Variants in SASH1 observed in about 807,000 individuals in gnomAD.
The protein encoded by SASH1 is SAM and SH3 domain-containing protein 1.
Under a neutral mutation model 125.2 loss-of-function variants are expected in SASH1, and 44 were observed. That is an observed-to-expected ratio of 0.35 (90% confidence interval 0.28 to 0.45). The LOEUF (loss-of-function observed/expected upper bound fraction) is 0.45. Ranked by LOEUF, SASH1 falls within the 20% of genes least tolerant of loss-of-function variation. The probability of loss-of-function intolerance (pLI) is 1.00; values close to 1 mark genes in which losing one functional copy is unlikely to be tolerated. For synonymous variants in SASH1, 639 were observed against 649.1 expected, an observed-to-expected ratio of 0.98 and a Z score of 0.24; for missense variants, 1,426 against 1,614.5, an observed-to-expected ratio of 0.88 and a Z score of 2.00.
At chr6:148,312,094 C>T (rs1225749819) in intron 1 of SASH1, among the ~76,000 whole-genome samples, 6 of 152,096 alleles carry the variant, frequency 3.9e-5, no homozygotes, top group African/African-American at 1.4e-4. Flanking sequence ...AAAAGTCCAA[C>T]AGTAAGGATA....
chr6:148,378,092 C>T (rs1227332750), intron 1 of SASH1, among the ~76,000 whole-genome samples: 1 of 151,014 alleles, frequency 6.6e-6, no homozygotes, highest in Non-Finnish European at 1.5e-5. Flanking sequence ...GCTCTTGTCA[C>T]CCAGGCTGGA....
intron 4 of SASH1, among the ~76,000 whole-genome samples, chr6:148,456,127 T>C (rs914092975): frequency 6.6e-5 from 10 of 152,168 alleles, no homozygotes; most frequent in Non-Finnish European, 1.5e-4. Context: ...GCCATTGCCA[T>C]GGAAACGCAA....
the SASH1 span, among the ~76,000 whole-genome samples, chr6:148,259,331 C>T: frequency 4.0e-4 from 61 of 152,314 alleles, no homozygotes; most frequent in African/African-American, 1.4e-3. Flanking sequence ...ATGGTGTAAA[C>T]AATTCCCAAA....
chr6:148,250,934 T>C, the SASH1 span, among the ~76,000 whole-genome samples: 9 of 152,314 alleles, frequency 5.9e-5, no homozygotes, highest in Non-Finnish European at 1.5e-5. Flanking sequence ...TGAAGGACAT[T>C]TGTGCCTTGT....
intron 1 of SASH1, among the ~76,000 whole-genome samples, chr6:148,367,899 G>A (rs1436560612): frequency 2.0e-5 from 3 of 152,216 alleles, no homozygotes; most frequent in Admixed American, 6.5e-5. Flanking sequence ...GGGGCCTGTG[G>A]GTGGAGTCGT....
the SASH1 span, among the ~76,000 whole-genome samples, chr6:148,258,198 A>G: frequency 6.6e-6 from 1 of 151,986 alleles, no homozygotes; most frequent in Non-Finnish European, 1.5e-5. Context: ...TAGGCATACC[A>G]CCATACTCAG....
chr6:148,503,020 C>A (rs1217433208), intron 8 of SASH1, among the ~76,000 whole-genome samples: 2 of 152,202 alleles, frequency 1.3e-5, no homozygotes, highest in African/African-American at 4.8e-5. Flanking sequence ...AGATGATAAC[C>A]TTTATAAACC....
At chr6:148,537,793 TGTGTGTGTGTG>T (rs1781944918) in intron 16 of SASH1, among the ~76,000 whole-genome samples, 1 of 103,360 alleles carries the variant, frequency 9.7e-6, no homozygotes, top group African/African-American at 4.5e-5. Flanking sequence ...TGTGTGTGTG[TGTGTGTGTGTG>T]TGTGTGTGTG....
intron 4 of SASH1, 78 bp downstream of exon 4, chr6:148,440,485 G>A: frequency 8.6e-7 from 1 of 1,164,832 alleles, no homozygotes; most frequent in Non-Finnish European, 1.3e-6. Flanking sequence ...AATCAAACAG[G>A]CGATCATGTG....
the SASH1 span, among the ~76,000 whole-genome samples, chr6:148,255,150 C>A: frequency 1.2e-3 from 178 of 152,262 alleles, no homozygotes; most frequent in Middle Eastern, 0.01. Flanking sequence ...TGTGCTAGGG[C>A]CGCCATAACA....
chr6:148,510,453 G>T (rs901575986), intron 8 of SASH1, among the ~76,000 whole-genome samples: 1 of 152,140 alleles, frequency 6.6e-6, no homozygotes, highest in East Asian at 1.9e-4. Flanking sequence ...TTGAATGTGT[G>T]TGAATATATA....
Position 148,458,836 on chromosome 6 carries a change from A to C in SASH1, c.387-9709A>C, listed in dbSNP as rs148515067. 2.4e-3 allele frequency among the ~76,000 whole-genome samples: 363 copies of C among 152,170 alleles called. 4 individuals carry two copies. The highest frequency in any genetic ancestry group is 8.5e-3 in the African/African-American group (353 of 41,532). On this transcript the variant is annotated intron_variant, in intron 4 of 19. Transcript: ENST00000367467. Reference sequence around the variant, plus strand: ...CAAAAGATTAGTCGGGCATGATGGCATGCGACTCGAGTCCCAGCTACGTGG... The same window carrying C: ...CAAAAGATTAGTCGGGCATGATGGCCTGCGACTCGAGTCCCAGCTACGTGG...
chr6:148,277,671 A>G (rs1193681424), intron 1 of SASH1, among the ~76,000 whole-genome samples: 1 of 152,052 alleles, frequency 6.6e-6, no homozygotes, highest in Non-Finnish European at 1.5e-5. Flanking sequence ...ATTTTGAAGA[A>G]CCATCTATTT....
chr6:148,483,300 T>C (rs1778708712), intron 7 of SASH1, among the ~76,000 whole-genome samples: 2 of 151,954 alleles, frequency 1.3e-5, no homozygotes, highest in Non-Finnish European at 2.9e-5. Context: ...GGGGAACAAA[T>C]AGACTGAGAA....
intron 8 of SASH1, among the ~76,000 whole-genome samples, chr6:148,500,274 A>G (rs1442940434): frequency 6.9e-6 from 1 of 145,618 alleles, no homozygotes; most frequent in Non-Finnish European, 1.5e-5. Flanking sequence ...TTTGTGGTCC[A>G]TTTATGTTTG....
rs544095208 is a variant in SASH1, at chr6:148,362,082, TTTTG to T, written c.156+18874_156+18877del. Among the ~76,000 whole-genome samples, 8 of 150,522 alleles carry T rather than the reference TTTTG, an allele frequency of 5.3e-5. No homozygotes were observed. The East Asian group carries it at 9.9e-4, about 19-fold the overall frequency. On this transcript the variant is annotated intron_variant, in intron 1 of 19. Transcript: ENST00000367467. ...ACGCCCACAACCACGCCCAGCTATT[TTTTG>T]TTTGTTTGTTTGTTGTATTTTTAGT...
chr6:148,533,847 C>T lies in SASH1; in HGVS notation c.1811C>T (p.Thr604Met), dbSNP rs374850271. The T allele has an allele frequency of 2.0e-5, 33 of 1,613,956 alleles. No homozygotes were observed. Among genetic ancestry groups the T allele is most frequent in the South Asian group, 2.2e-5 (2 of 91,072 alleles). ...WMGLLNNKVGTFKFIYVDVLS... is the reference protein window; with the variant it reads ...WMGLLNNKVGMFKFIYVDVLS... ...GGCCTGCTGAACAACAAAGTCGGCA[C>T]GTTCAAGTTCATCTACGTGGACGTG... Residue 604 changes from threonine (T) to methionine (M), a missense_variant, in exon 15 of 20, where the codon ACG (threonine) becomes ATG (methionine). Around this residue, in one of 3 missense-constraint regions of SASH1, gnomAD observed 225 missense variants for 344.5 expected, o/e 0.65. Coordinates refer to ENST00000367467, the MANE Select transcript of SASH1 (RefSeq NM_015278.5). This position sits in a 1 kb window ranked among gnomAD's most constrained non-coding sequence, Gnocchi z 6.2.
chr6:148,446,141 C>T (rs1436502077), intron 4 of SASH1, among the ~76,000 whole-genome samples: 1 of 87,718 alleles, frequency 1.1e-5, no homozygotes, highest in African/African-American at 4.1e-5. Flanking sequence ...CGGAGCCTCA[C>T]TCTGTCGCCC....
chr6:148,312,628 C>T (rs902279684), intron 1 of SASH1, among the ~76,000 whole-genome samples: 1 of 152,168 alleles, frequency 6.6e-6, no homozygotes, highest in Non-Finnish European at 1.5e-5. Context: ...TACCCATTTC[C>T]TCATCTCTAA....
Sources: allele counts gnomAD v4.1 joint callset (sites outside exome capture counted in the v4.1 genomes callset), GRCh38; gene constraint gnomAD v4.1.1; regional missense constraint gnomAD v4.1.1; non-coding constraint Gnocchi (gnomAD v3.1); transcripts MANE v1.5; gene names NCBI Gene and HGNC (gene_info 2026-07-23, HGNC 2026-07-21).